Variants in ATRNL1 observed in about 807,000 individuals in gnomAD.
ATRNL1 encodes the protein attractin-like protein 1.
ATRNL1 carries 95 observed loss-of-function variants against 182.7 expected under a neutral mutation model. That is an observed-to-expected ratio of 0.52 (90% CI 0.44 to 0.62). The LOEUF is 0.62. Among genes scored for constraint, ATRNL1 ranks in the 20% least tolerant of loss-of-function variants. The probability of loss-of-function intolerance (pLI) is 0.00; values close to 1 mark genes in which losing one functional copy is unlikely to be tolerated. For synonymous variants in ATRNL1, 576 were observed against 568.3 expected (o/e 1.01, Z -0.19); for missense variants, 1,471 against 1,679.5 (o/e 0.88, Z 2.17).
intron 26 of ATRNL1, among the ~76,000 whole-genome samples, chr10:115,553,626 TTTA>T (rs1277701322): frequency 6.6e-6 from 1 of 151,326 alleles, no homozygotes; most frequent in Non-Finnish European, 1.5e-5. Context: ...ATTTGCATTT[TTTA>T]TTATCACCCT....
intron 24 of ATRNL1, among the ~76,000 whole-genome samples, chr10:115,498,511 G>C (rs1252650018): frequency 6.6e-6 from 1 of 152,032 alleles, no homozygotes; most frequent in Non-Finnish European, 1.5e-5. Context: ...ATCAGGGAAA[G>C]ACATCAGCAA....
chr10:115,933,650 A>T (rs1953471725), intron 28 of ATRNL1, among the ~76,000 whole-genome samples: 2 of 152,204 alleles, frequency 1.3e-5, no homozygotes, highest in Non-Finnish European at 2.9e-5. Context: ...CTCAAGAGAC[A>T]TGCTGAATTT....
intron 1 of ATRNL1, among the ~76,000 whole-genome samples, chr10:115,115,550 G>A (rs1360053276): frequency 3.3e-5 from 5 of 151,952 alleles, no homozygotes; most frequent in Admixed American, 1.3e-4. Flanking sequence ...AAGATGAAAT[G>A]AAAATAAAAA....
intron 1 of ATRNL1, among the ~76,000 whole-genome samples, chr10:115,108,147 C>T (rs979240353): frequency 6.6e-6 from 1 of 152,158 alleles, no homozygotes; most frequent in Non-Finnish European, 1.5e-5. Flanking sequence ...CTTTCTGCTT[C>T]CCTTTTCATA....
At chr10:115,631,291 CTATGTA>C (rs147643378) in intron 26 of ATRNL1, among the ~76,000 whole-genome samples, 1,651 of 151,942 alleles carry the variant, frequency 0.011, 27 homozygotes, top group African/African-American at 0.038. Context: ...CTGTAGTTCA[CTATGTA>C]TATGTATATC....
chr10:115,451,731 A>G (rs1173461217), intron 21 of ATRNL1, among the ~76,000 whole-genome samples: 1 of 152,180 alleles, frequency 6.6e-6, no homozygotes, highest in South Asian at 2.1e-4. Flanking sequence ...AAGCAGAACT[A>G]CCATTCAACC....
At chr10:115,535,040 A>G (rs1254027156) in intron 25 of ATRNL1, among the ~76,000 whole-genome samples, 2 of 151,212 alleles carry the variant, frequency 1.3e-5, no homozygotes, top group Non-Finnish European at 3.0e-5. Context: ...TGCCCTTAAC[A>G]TTTTTTCCTT....
chr10:115,933,483 C>T (rs377553334), intron 28 of ATRNL1, among the ~76,000 whole-genome samples: 10 of 152,238 alleles, frequency 6.6e-5, no homozygotes, highest in African/African-American at 1.7e-4. Flanking sequence ...GCAGCCCACT[C>T]TGCTGCCGCC....
chr10:115,940,673 CTCTCTCTCTCTCTCTCTCTCTCTCT>C (rs1346577417), intron 28 of ATRNL1, among the ~76,000 whole-genome samples: 57 of 9,558 alleles, frequency 6.0e-3, no homozygotes, highest in Admixed American at 9.9e-3. Context: ...ACAGAGATTA[CTCTCTCTCTCTCTCTCTCTCTCTCT>C]TCTCTCTCTC....
intron 28 of ATRNL1, among the ~76,000 whole-genome samples, chr10:115,888,445 G>A (rs1352232309): frequency 2.0e-5 from 3 of 152,138 alleles, no homozygotes; most frequent in African/African-American, 4.8e-5. Context: ...TGTCTTACAG[G>A]TCCTTACCGC....
At chr10:115,623,447 G>T (rs1425164635) in intron 26 of ATRNL1, among the ~76,000 whole-genome samples, 1 of 152,110 alleles carries the variant, frequency 6.6e-6, no homozygotes, top group Non-Finnish European at 1.5e-5. Context: ...AATAATACTG[G>T]AAATGTTACT....
chr10:115,578,971 C>T (rs542752893), intron 26 of ATRNL1, among the ~76,000 whole-genome samples: 49 of 151,644 alleles, frequency 3.2e-4, no homozygotes, highest in African/African-American at 1.0e-3. Flanking sequence ...ATCTCATTTC[C>T]AAAGCATTTG....
chr10:115,912,039 C>T (rs151027991), intron 28 of ATRNL1, among the ~76,000 whole-genome samples: 1 of 152,266 alleles, frequency 6.6e-6, no homozygotes, highest in Non-Finnish European at 1.5e-5. Flanking sequence ...AGGCTTGTGA[C>T]TTAAACAGTT....
intron 26 of ATRNL1, among the ~76,000 whole-genome samples, chr10:115,656,380 A>G (rs12784215): frequency 0.17 from 26,459 of 152,116 alleles, 2,902 homozygotes; most frequent in East Asian, 0.26. Flanking sequence ...GAGTTTGCAC[A>G]TTCTCCCCAT....
chr10:115,573,275 C>T (rs192101119), intron 26 of ATRNL1, among the ~76,000 whole-genome samples: 99 of 152,122 alleles, frequency 6.5e-4, no homozygotes, highest in African/African-American at 2.2e-3. Flanking sequence ...ACCTAGTGGC[C>T]GGACTCTTTC....
At chr10:115,094,166 C>T in intron 1 of ATRNL1, 123 bp downstream of exon 1, 1 of 1,030,126 alleles carries the variant, frequency 9.7e-7, no homozygotes, top group African/African-American at 1.7e-5. Context: ...CGTGAGTGAA[C>T]CTCAGCGCGC....
At chr10:115,094,133 G>A (rs534960579) in intron 1 of ATRNL1, 90 bp downstream of exon 1, 22 of 1,214,776 alleles carry the variant, frequency 1.8e-5, no homozygotes, top group Non-Finnish European at 2.0e-5. Flanking sequence ...CCCCGCCCCC[G>A]TCGCTGCCTC....
intron 19 of ATRNL1, among the ~76,000 whole-genome samples, chr10:115,370,065 A>G (rs550636909): frequency 6.6e-6 from 1 of 152,318 alleles, no homozygotes; most frequent in African/African-American, 2.4e-5. Context: ...TGATGGTTTT[A>G]TAAAGGGGAG....
chr10:115,687,009 C>T (rs782678108), intron 26 of ATRNL1, among the ~76,000 whole-genome samples: 19 of 151,956 alleles, frequency 1.3e-4, no homozygotes, highest in Non-Finnish European at 2.4e-4. Context: ...CAGAAATTTC[C>T]TTCCACCTTA....
Sources: allele counts gnomAD v4.1 joint callset (sites outside exome capture counted in the v4.1 genomes callset), GRCh38; gene constraint gnomAD v4.1.1; transcripts MANE v1.5; gene names NCBI Gene and HGNC (gene_info 2026-07-23, HGNC 2026-07-21).